OPCML: variants seen among roughly 807,000 people sequenced by gnomAD.
The protein encoded by OPCML is opioid binding protein/cell adhesion molecule like.
Under a neutral mutation model 37.8 loss-of-function variants are expected in OPCML, and 13 were observed. The observed-to-expected ratio is 0.34, with a 90% CI of 0.22 to 0.55. The LOEUF (loss-of-function observed/expected upper bound fraction) is 0.55. Ranked by LOEUF, OPCML falls within the 20% of genes least tolerant of loss-of-function variation. The pLI, the probability that OPCML is intolerant of heterozygous loss-of-function variation, is 0.91. For missense variants in OPCML, 341 were observed against 435.6 expected (o/e 0.78, Z 1.93); for synonymous variants, 176 against 168.8 (o/e 1.04, Z -0.33).
chr11:132,977,838 G>T (rs1241250842), intron 1 of OPCML, among the ~76,000 whole-genome samples: 1 of 152,168 alleles, frequency 6.6e-6, no homozygotes, highest in Admixed American at 6.5e-5. Context: ...AAAATGTGTG[G>T]TTTTATTTTT....
chr11:133,487,186 G>C (rs1008542587), intron 1 of OPCML, among the ~76,000 whole-genome samples: 7 of 151,972 alleles, frequency 4.6e-5, no homozygotes, highest in Non-Finnish European at 8.8e-5. Flanking sequence ...CCCTCCAAAG[G>C]CTTCTTACTG....
chr11:132,651,232 A>T (rs1329311320), intron 3 of OPCML, among the ~76,000 whole-genome samples: 1 of 152,172 alleles, frequency 6.6e-6, no homozygotes, highest in Non-Finnish European at 1.5e-5. Flanking sequence ...GTGGCTACAG[A>T]GTAAATATAC....
intron 1 of OPCML, among the ~76,000 whole-genome samples, chr11:133,509,349 C>T (rs774466083): frequency 1.4e-4 from 21 of 152,196 alleles, no homozygotes; most frequent in Non-Finnish European, 2.5e-4. Flanking sequence ...TGTTAGTTTG[C>T]TGAGGATAAT....
intron 1 of OPCML, among the ~76,000 whole-genome samples, chr11:133,350,672 C>G (rs1003748644): frequency 2.0e-5 from 3 of 152,098 alleles, no homozygotes; most frequent in Non-Finnish European, 4.4e-5. Context: ...GCCAAGAGTA[C>G]CATTGTTTTA....
chr11:133,092,844 CAGAGAA>C (rs922734908), intron 1 of OPCML, among the ~76,000 whole-genome samples: 4 of 148,950 alleles, frequency 2.7e-5, no homozygotes, highest in African/African-American at 1.0e-4. Context: ...AGGAGAGAGA[CAGAGAA>C]AGAGAGAGAG....
chr11:133,013,683 C>A (rs28407190), intron 1 of OPCML, among the ~76,000 whole-genome samples: 1 of 152,188 alleles, frequency 6.6e-6, no homozygotes, highest in Non-Finnish European at 1.5e-5. Flanking sequence ...TATAGTCAGG[C>A]TCTTCTGTAT....
At chr11:132,512,372 G>A (rs2096270641) in intron 4 of OPCML, among the ~76,000 whole-genome samples, 1 of 151,992 alleles carries the variant, frequency 6.6e-6, no homozygotes, top group Non-Finnish European at 1.5e-5. Flanking sequence ...CAAGAAAATT[G>A]TAAATATATG....
At chr11:133,391,935 T>C (rs916709602) in intron 1 of OPCML, among the ~76,000 whole-genome samples, 3 of 151,846 alleles carry the variant, frequency 2.0e-5, no homozygotes, top group Admixed American at 2.0e-4. Context: ...GTTACCCAGA[T>C]AGAAAAAGAA....
chr11:132,731,106 A>G (rs1945061273), intron 2 of OPCML, among the ~76,000 whole-genome samples: 1 of 152,226 alleles, frequency 6.6e-6, no homozygotes, highest in East Asian at 1.9e-4. Flanking sequence ...TGGGGTAACC[A>G]CATATGGTTA....
chr11:132,742,546 T>C (rs1029742983), intron 2 of OPCML, among the ~76,000 whole-genome samples: 1 of 152,024 alleles, frequency 6.6e-6, no homozygotes, highest in Non-Finnish European at 1.5e-5. Context: ...ATCTTGGAGT[T>C]CCCAGCCTCT....
At chr11:133,222,072 C>T (rs892170787) in intron 1 of OPCML, among the ~76,000 whole-genome samples, 2 of 152,138 alleles carry the variant, frequency 1.3e-5, no homozygotes, top group African/African-American at 4.8e-5. Flanking sequence ...CTTCAGAATC[C>T]CCAAATCTAT....
intron 1 of OPCML, among the ~76,000 whole-genome samples, chr11:133,391,152 G>A (rs1945166411): frequency 6.6e-6 from 1 of 152,172 alleles, no homozygotes. Flanking sequence ...GCAATGGATG[G>A]TTTAATGCGA....
At chr11:133,012,512 A>G (rs1488057805) in intron 1 of OPCML, among the ~76,000 whole-genome samples, 1 of 152,226 alleles carries the variant, frequency 6.6e-6, no homozygotes, top group Non-Finnish European at 1.5e-5. Flanking sequence ...CACATGACAG[A>G]AACTCAACTC....
At chr11:132,652,383 CACAG>C (rs763322996) in intron 3 of OPCML, among the ~76,000 whole-genome samples, 2,230 of 150,246 alleles carry the variant, frequency 0.015, 26 homozygotes, top group Middle Eastern at 0.041. Flanking sequence ...CACACACACA[CACAG>C]AGAGAGAAAT....
intron 1 of OPCML, among the ~76,000 whole-genome samples, chr11:133,219,120 A>T (rs1250396419): frequency 6.6e-6 from 1 of 152,182 alleles, no homozygotes; most frequent in Middle Eastern, 3.2e-3. Context: ...GGTTAGTGGC[A>T]TGATACCTAT....
Position 132,703,787 on chromosome 11 carries a change from G to T in OPCML, c.147-46468C>A, listed in dbSNP as rs574133681. Among the ~76,000 whole-genome samples, 31 of 152,328 alleles carry T rather than the reference G, an allele frequency of 2.0e-4. 1 individual carries two copies. The Middle Eastern group carries it at 0.014, about 67-fold the overall frequency. ...AGGCCTGAAATCTGGGTCCACAGGG[G>T]TGGGCCTAAAGCCTGGGTCTTCAGG... On this transcript the variant is annotated intron_variant, in intron 2 of 7. Transcript: ENST00000524381.
At chr11:132,716,420 A>G (rs888048318) in intron 2 of OPCML, among the ~76,000 whole-genome samples, 7 of 26,878 alleles carry the variant, frequency 2.6e-4, no homozygotes, top group Non-Finnish European at 3.9e-4. Flanking sequence ...CTGTCTATCT[A>G]TCTATCTATC....
intron 2 of OPCML, among the ~76,000 whole-genome samples, chr11:132,869,038 C>T (rs1035370602): frequency 3.9e-5 from 6 of 152,046 alleles, no homozygotes; most frequent in Admixed American, 1.3e-4. Flanking sequence ...AGGCATTCTC[C>T]GAATGTGGGG....
chr11:133,422,548 T>A (rs141894826), intron 1 of OPCML: 2 of 961,862 alleles, frequency 2.1e-6, no homozygotes, highest in East Asian at 2.3e-4. Context: ...CCGCCCAGGC[T>A]GGAGTGCAGC....
Sources: gnomAD v4.1 joint callset for allele counts (sites outside exome capture counted in the v4.1 genomes callset) on GRCh38, gnomAD v4.1.1 for gene constraint, MANE v1.5 for transcripts, NCBI Gene and HGNC (gene_info 2026-07-23, HGNC 2026-07-21) for gene names.